CMC1: variants seen among roughly 807,000 people sequenced by gnomAD.
CMC1 encodes the protein COX assembly mitochondrial protein homolog.
Under a neutral mutation model 14.1 loss-of-function variants are expected in CMC1, and 14 were observed. The ratio of observed to expected loss-of-function variants is 0.99; its 90% CI spans 0.66 to 1.55. The LOEUF is 1.55. CMC1 is among the 40% of genes most tolerant of loss of function. The pLI is 0.00. For missense variants in CMC1, 127 were observed against 123.8 expected (o/e 1.03, Z -0.12); for synonymous variants, 50 against 38.4 (o/e 1.30, Z -1.12).
chr3:28,312,810 T>G (rs1303629027), intron 2 of CMC1, among the ~76,000 whole-genome samples: 1 of 152,188 alleles, frequency 6.6e-6, no homozygotes, highest in Non-Finnish European at 1.5e-5. Context: ...TCTTTATGTT[T>G]TTTCCTAGAT....
At chr3:28,311,223 T>C (rs866833286) in intron 2 of CMC1, among the ~76,000 whole-genome samples, 1 of 151,988 alleles carries the variant, frequency 6.6e-6, no homozygotes, top group South Asian at 2.1e-4. Context: ...GATTTACTGG[T>C]GCACTTTTTT....
intron 1 of CMC1, among the ~76,000 whole-genome samples, chr3:28,255,946 G>T (rs1415185387): frequency 6.6e-6 from 1 of 151,950 alleles, no homozygotes; most frequent in Non-Finnish European, 1.5e-5. Context: ...GGGTCATTGA[G>T]AAATATAATT....
intron 2 of CMC1, among the ~76,000 whole-genome samples, chr3:28,264,439 T>A (rs1040192820): frequency 4.6e-5 from 7 of 152,196 alleles, no homozygotes; most frequent in Non-Finnish European, 1.0e-4. Context: ...GAATCAACAA[T>A]GTGTGATGGT....
At chr3:28,312,981 C>G (rs942659425) in intron 2 of CMC1, among the ~76,000 whole-genome samples, 1 of 152,028 alleles carries the variant, frequency 6.6e-6, no homozygotes. Flanking sequence ...CTTGGCTTCT[C>G]AAGTAGCTGG....
chr3:28,241,997 T>C (rs1265288235), intron 1 of CMC1, 185 bp downstream of exon 1: 10 of 504,516 alleles, frequency 2.0e-5, no homozygotes, highest in Non-Finnish European at 2.8e-5. Flanking sequence ...TTGTTGGGGA[T>C]TATGGTTATC....
intron 2 of CMC1, among the ~76,000 whole-genome samples, chr3:28,312,643 G>GT (rs1413767748): frequency 1.3e-5 from 2 of 152,012 alleles, no homozygotes; most frequent in Non-Finnish European, 2.9e-5. Flanking sequence ...AATCACTTCT[G>GT]TTAGTTTTAT....
intron 2 of CMC1, among the ~76,000 whole-genome samples, chr3:28,265,918 G>T (rs1699983924): frequency 1.3e-5 from 2 of 152,212 alleles, no homozygotes; most frequent in South Asian, 4.1e-4. Flanking sequence ...CTATAGATTT[G>T]CAGGGCTAAT....
chr3:28,309,811 C>T (rs1427634154), intron 2 of CMC1, among the ~76,000 whole-genome samples: 1 of 141,432 alleles, frequency 7.1e-6, no homozygotes, highest in African/African-American at 2.7e-5. Flanking sequence ...TCTCCTGCAG[C>T]TGATATTTAC....
chr3:28,262,509 A>C (rs1699784136), intron 1 of CMC1, among the ~76,000 whole-genome samples: 1 of 152,002 alleles, frequency 6.6e-6, no homozygotes, highest in Non-Finnish European at 1.5e-5. Context: ...TCCTCCAGGG[A>C]AGTTTTCTTG....
At chr3:28,268,534 G>A (rs1700120276) in intron 2 of CMC1, among the ~76,000 whole-genome samples, 1 of 152,154 alleles carries the variant, frequency 6.6e-6, no homozygotes, top group Non-Finnish European at 1.5e-5. Context: ...ATTCCCAGAA[G>A]GAAAGCAGGT....
chr3:28,319,409 C>A, intron 3 of CMC1, 100 bp from the exon 4 acceptor site: 1 of 1,045,898 alleles, frequency 9.6e-7, no homozygotes, highest in Non-Finnish European at 1.5e-6. Flanking sequence ...AAAGATTGAG[C>A]CTGATGAACC....
rs928716620 is a variant in CMC1, at chr3:28,245,959, T to G, written c.19+4147T>G. ...GTTGATTAGAAAAATTTTTTATTTT[T>G]TTTAGTGATGGGGTTTCACCATGTC... is the stretch of plus-strand genomic sequence containing the variant. On this transcript the variant is annotated intron_variant, in intron 1 of 3. Transcript: ENST00000466830. Among the ~76,000 whole-genome samples the G allele has an allele frequency of 2.6e-5, 4 of 152,174 alleles. 1 individual carries two copies. The highest frequency in any genetic ancestry group is 9.7e-5 in the African/African-American group (4 of 41,426).
At chr3:28,282,653 T>A (rs927424161) in intron 2 of CMC1, among the ~76,000 whole-genome samples, 22 of 152,214 alleles carry the variant, frequency 1.4e-4, no homozygotes, top group African/African-American at 5.1e-4. Context: ...AAAGTTCACA[T>A]TGTCAGGCTG....
intron 2 of CMC1, among the ~76,000 whole-genome samples, chr3:28,270,428 T>C (rs1700221665): frequency 1.3e-5 from 2 of 152,116 alleles, no homozygotes; most frequent in South Asian, 4.1e-4. Flanking sequence ...CTGTTGTTTC[T>C]TAACTTTTTA....
At chr3:28,300,633 CCCTTTCCCTCCCTCCA>C (rs1701981349) in intron 2 of CMC1, among the ~76,000 whole-genome samples, 1 of 100,900 alleles carries the variant, frequency 9.9e-6, no homozygotes, top group Admixed American at 1.0e-4. Flanking sequence ...CTCCCTCCAT[CCCTTTCCCTCCCTCCA>C]TCCCTTTCCC....
At chr3:28,243,313 C>A (rs954101347) in intron 1 of CMC1, among the ~76,000 whole-genome samples, 1 of 152,124 alleles carries the variant, frequency 6.6e-6, no homozygotes, top group South Asian at 2.1e-4. Context: ...GACTTGGCCT[C>A]CCAAAGTGCT....
At chr3:28,312,036 T>G (rs1213294418) in intron 2 of CMC1, among the ~76,000 whole-genome samples, 1 of 152,196 alleles carries the variant, frequency 6.6e-6, no homozygotes, top group African/African-American at 2.4e-5. Flanking sequence ...TTTAGGGTGA[T>G]TTTTAAGTCT....
intron 1 of CMC1, among the ~76,000 whole-genome samples, chr3:28,251,333 C>G (rs1559399105): frequency 6.6e-6 from 1 of 152,060 alleles, no homozygotes; most frequent in African/African-American, 2.4e-5. Context: ...GAGAACCAGC[C>G]CACTCTGAAG....
chr3:28,263,924 T>C (rs1699862783), intron 2 of CMC1, among the ~76,000 whole-genome samples: 1 of 152,180 alleles, frequency 6.6e-6, no homozygotes, highest in African/African-American at 2.4e-5. Flanking sequence ...GTGTATGTTT[T>C]CTTTGGAAAA....
Sources: allele counts gnomAD v4.1 joint callset (sites outside exome capture counted in the v4.1 genomes callset), GRCh38; gene constraint gnomAD v4.1.1; transcripts MANE v1.5; gene names NCBI Gene and HGNC (gene_info 2026-07-23, HGNC 2026-07-21).